KCNIP4: variants seen among roughly 807,000 people sequenced by gnomAD.
KCNIP4 encodes the protein Kv channel-interacting protein 4.
In KCNIP4, 12 loss-of-function variants were observed where a neutral mutation model predicts 34.0. The ratio of observed to expected loss-of-function variants is 0.35; its 90% CI spans 0.23 to 0.57. The LOEUF (loss-of-function observed/expected upper bound fraction) is 0.57, where lower values mean the gene tolerates loss of function less well. KCNIP4 is among the 20% of genes least tolerant of loss of function. The pLI, the probability that KCNIP4 is intolerant of heterozygous loss-of-function variation, is 0.83. For missense variants in KCNIP4, 238 were observed against 311.7 expected (o/e 0.76, Z 1.78); for synonymous variants, 124 against 102.2 (o/e 1.21, Z -1.29).
Position 21,630,895 on chromosome 4 carries a change from T to C in KCNIP4, c.61+317676A>G, listed in dbSNP as rs538624260. On this transcript the variant is annotated intron_variant, in intron 1 of 8. Coordinates refer to ENST00000382152, the MANE Select transcript of KCNIP4 (RefSeq NM_025221.6). ...TTTGCTACTCTCCTCACACCTACTT[T>C]TCAGAAATAACAAATCCCATGTTGT... 2.6e-5 allele frequency among the ~76,000 whole-genome samples: 4 copies of C among 152,280 alleles called. No individual in the cohort carries two copies. In the South Asian group the frequency reaches 8.3e-4, roughly 32 times the overall value.
intron 1 of KCNIP4, among the ~76,000 whole-genome samples, chr4:21,376,922 A>G (rs1721013583): frequency 6.6e-6 from 1 of 152,228 alleles, no homozygotes; most frequent in South Asian, 2.1e-4. Context: ...TTTAAGAACT[A>G]CTGCTTGTTT....
intron 1 of KCNIP4, among the ~76,000 whole-genome samples, chr4:21,074,953 C>T (rs150070856): frequency 0.028 from 4,207 of 152,114 alleles, 211 homozygotes; most frequent in African/African-American, 0.095. Flanking sequence ...CAGTTTTGAG[C>T]GAGTTTCTTA....
chr4:20,906,314 C>G (rs986934150), intron 1 of KCNIP4, among the ~76,000 whole-genome samples: 12 of 152,130 alleles, frequency 7.9e-5, no homozygotes, highest in Non-Finnish European at 1.8e-4. Flanking sequence ...CATGTGCCCC[C>G]TCCCTTATCA....
rs139378129 is a variant in KCNIP4 at position 21,307,851 on chromosome 4, C to T, written c.62-425142G>A. On this transcript the variant is annotated intron_variant, in intron 1 of 8. Coordinates refer to ENST00000382152, the MANE Select transcript of KCNIP4 (RefSeq NM_025221.6). ...CATATTAGCTGTGCTCTATCTTCAGCATTTAATGTGAATATGATTTGTGGT... is the reference window on the plus strand; with the variant it reads ...CATATTAGCTGTGCTCTATCTTCAGTATTTAATGTGAATATGATTTGTGGT... Among the ~76,000 whole-genome samples the T allele has an allele frequency of 8.5e-4, 130 of 152,276 alleles. 1 individual carries two copies. The highest frequency in any genetic ancestry group is 2.6e-3 in the Admixed American group (40 of 15,288).
intron 1 of KCNIP4, among the ~76,000 whole-genome samples, chr4:21,526,008 A>C (rs565237205): frequency 6.6e-6 from 1 of 152,242 alleles, no homozygotes; most frequent in East Asian, 1.9e-4. Flanking sequence ...TTTAACTGGA[A>C]GTTTTCTTCG....
intron 1 of KCNIP4, among the ~76,000 whole-genome samples, chr4:21,645,122 C>T (rs1746916373): frequency 6.6e-6 from 1 of 152,018 alleles, no homozygotes; most frequent in Admixed American, 6.6e-5. Context: ...CATAAGCACT[C>T]ATGATTTTTA....
chr4:21,279,209 A>C (rs1762625459), intron 1 of KCNIP4, among the ~76,000 whole-genome samples: 1 of 152,212 alleles, frequency 6.6e-6, no homozygotes, highest in Non-Finnish European at 1.5e-5. Flanking sequence ...TAGAACAAAC[A>C]GTCAAAAGTT....
intron 1 of KCNIP4, among the ~76,000 whole-genome samples, chr4:21,035,847 T>C (rs1029434052): frequency 2.0e-5 from 3 of 152,180 alleles, no homozygotes; most frequent in African/African-American, 7.2e-5. Context: ...CTTGCATTGA[T>C]GGAACCCCTG....
rs372775998 is a variant in KCNIP4, at chr4:21,443,957, C to T, written c.61+504614G>A. Among the ~76,000 whole-genome samples the T allele has an allele frequency of 2.6e-5, 4 of 151,622 alleles. No homozygotes were observed. In the East Asian group the frequency reaches 5.8e-4, roughly 22 times the overall value. On this transcript the variant is annotated intron_variant, in intron 1 of 8. Transcript: ENST00000382152. ...ATAAAGGGGATATCACCACTGATCC[C>T]ACAGAAATACAAACTACCATCAGAG...
chr4:21,468,051 A>G (rs1277446177), intron 1 of KCNIP4, among the ~76,000 whole-genome samples: 1 of 152,116 alleles, frequency 6.6e-6, no homozygotes, highest in East Asian at 1.9e-4. Flanking sequence ...CTTAGGGCAA[A>G]TGGATCACTC....
chr4:21,924,792 T>G (rs563839319), intron 1 of KCNIP4, among the ~76,000 whole-genome samples: 3 of 152,202 alleles, frequency 2.0e-5, no homozygotes, highest in African/African-American at 7.2e-5. Flanking sequence ...CCCTTTCCTA[T>G]ACCCCTCTCC....
intron 1 of KCNIP4, among the ~76,000 whole-genome samples, chr4:21,488,807 G>A (rs1442029016): frequency 1.3e-5 from 2 of 151,986 alleles, no homozygotes; most frequent in African/African-American, 4.8e-5. Flanking sequence ...GAGGCCAAGA[G>A]ATCTACTGAA....
intron 1 of KCNIP4, among the ~76,000 whole-genome samples, chr4:20,996,688 C>T (rs895666643): frequency 6.6e-6 from 1 of 152,176 alleles, no homozygotes; most frequent in Non-Finnish European, 1.5e-5. Flanking sequence ...TTTGTCACCA[C>T]TCCCTGGTTC....
chr4:21,029,508 G>A (rs1329155183), intron 1 of KCNIP4, among the ~76,000 whole-genome samples: 1 of 152,194 alleles, frequency 6.6e-6, no homozygotes, highest in Non-Finnish European at 1.5e-5. Flanking sequence ...GGTCAAAACT[G>A]GATATGGATA....
At chr4:20,775,760 C>T (rs966652208) in intron 3 of KCNIP4, among the ~76,000 whole-genome samples, 1 of 152,026 alleles carries the variant, frequency 6.6e-6, no homozygotes, top group Admixed American at 6.6e-5. Flanking sequence ...TATTCTTGCA[C>T]ATGGTACAGA....
intron 1 of KCNIP4, among the ~76,000 whole-genome samples, chr4:20,986,904 T>C (rs923491357): frequency 2.0e-5 from 3 of 150,954 alleles, no homozygotes; most frequent in African/African-American, 7.4e-5. Context: ...CTTTCCTATC[T>C]GCATTAGTTA....
At chr4:21,904,462 C>A (rs945405655) in intron 1 of KCNIP4, among the ~76,000 whole-genome samples, 1 of 152,156 alleles carries the variant, frequency 6.6e-6, no homozygotes, top group Non-Finnish European at 1.5e-5. Context: ...CATAAATATT[C>A]ATTTTGCTTT....
At chr4:20,898,953 C>G (rs1726861990) in intron 1 of KCNIP4, among the ~76,000 whole-genome samples, 1 of 152,160 alleles carries the variant, frequency 6.6e-6, no homozygotes, top group Admixed American at 6.5e-5. Flanking sequence ...CCAAATACCT[C>G]AGAGATTTTA....
chr4:21,007,025 G>T (rs943893447), intron 1 of KCNIP4, among the ~76,000 whole-genome samples: 1 of 152,182 alleles, frequency 6.6e-6, no homozygotes, highest in Non-Finnish European at 1.5e-5. Flanking sequence ...GCTGAATAAT[G>T]TAGAGGGAAC....
Sources: gnomAD v4.1 joint callset for allele counts (sites outside exome capture counted in the v4.1 genomes callset) on GRCh38, gnomAD v4.1.1 for gene constraint, MANE v1.5 for transcripts, NCBI Gene and HGNC (gene_info 2026-07-23, HGNC 2026-07-21) for gene names.